The following LARGE1 variants were observed in gnomAD, a reference collection of about 807,000 sequenced individuals.
The protein encoded by LARGE1 is LARGE xylosyl- and glucuronyltransferase 1, also known as xylosyl- and glucuronyltransferase LARGE1.
A neutral mutation model predicts 87.6 loss-of-function variants in LARGE1; 43 were observed. The observed-to-expected ratio is 0.49, with a 90% CI of 0.38 to 0.63. The LOEUF (loss-of-function observed/expected upper bound fraction) is 0.63, where lower values mean the gene tolerates loss of function less well. Among genes scored for constraint, LARGE1 ranks in the 30% least tolerant of loss-of-function variants. The probability of loss-of-function intolerance (pLI) is 0.00; values close to 1 mark genes in which losing one functional copy is unlikely to be tolerated. For synonymous variants in LARGE1, 434 were observed against 394.6 expected (o/e 1.10, Z -1.18); for missense variants, 802 against 1,000.2 (o/e 0.80, Z 2.67).
chr22:33,439,844 A>G (rs1299847196), intron 6 of LARGE1, among the ~76,000 whole-genome samples: 1 of 152,208 alleles, frequency 6.6e-6, no homozygotes, highest in Admixed American at 6.5e-5. Flanking sequence ...GGTTGGTAGC[A>G]TGAAGATCAA....
chr22:33,726,966 A>G (rs965488140), intron 2 of LARGE1, among the ~76,000 whole-genome samples: 2 of 152,206 alleles, frequency 1.3e-5, no homozygotes, highest in African/African-American at 2.4e-5. Context: ...GGCAATATGG[A>G]TGAGAGAAAG....
At chr22:33,888,553 CT>C (rs1253897663) in intron 1 of LARGE1, among the ~76,000 whole-genome samples, 6 of 152,230 alleles carry the variant, frequency 3.9e-5, no homozygotes, top group African/African-American at 1.4e-4. Flanking sequence ...TACAAAGCAC[CT>C]TCGAATATAT....
chr22:33,310,395 G>T (rs779562102), intron 11 of LARGE1, among the ~76,000 whole-genome samples: 1 of 152,114 alleles, frequency 6.6e-6, no homozygotes, highest in Non-Finnish European at 1.5e-5. Context: ...AACCCCTCGT[G>T]ATCAGCTCCC....
chr22:33,529,540 A>G (rs1602272655), intron 6 of LARGE1, among the ~76,000 whole-genome samples: 1 of 152,368 alleles, frequency 6.6e-6, no homozygotes, highest in South Asian at 2.1e-4. Context: ...CTAAATGCCA[A>G]AAGGAAAGAT....
At chr22:33,741,466 A>G (rs1409741435) in intron 2 of LARGE1, among the ~76,000 whole-genome samples, 3 of 152,238 alleles carry the variant, frequency 2.0e-5, no homozygotes, top group Non-Finnish European at 4.4e-5. Context: ...GAAGCATCAA[A>G]TATTAGTCAC....
the LARGE1 span, among the ~76,000 whole-genome samples, chr22:33,090,358 C>T: frequency 6.6e-6 from 1 of 151,998 alleles, no homozygotes; most frequent in East Asian, 1.9e-4. Context: ...AAAAAATGAG[C>T]AGACTGAGGG....
At chr22:33,172,049 T>C (rs1922604053) in intron 11 of LARGE1, among the ~76,000 whole-genome samples, 1 of 152,248 alleles carries the variant, frequency 6.6e-6, no homozygotes. Context: ...TGCATCAGCC[T>C]GCCCTGGATG....
intron 9 of LARGE1, among the ~76,000 whole-genome samples, chr22:33,370,661 G>A (rs1420821648): frequency 6.6e-6 from 1 of 151,744 alleles, no homozygotes; most frequent in Non-Finnish European, 1.5e-5. Context: ...TTTAGGTGTG[G>A]TTACCAACAT....
intron 1 of LARGE1, among the ~76,000 whole-genome samples, chr22:33,849,880 C>T (rs909189607): frequency 1.5e-4 from 23 of 152,250 alleles, no homozygotes; most frequent in African/African-American, 4.6e-4. Flanking sequence ...GGATTACAGG[C>T]GTGAGCCACT....
intron 1 of LARGE1, among the ~76,000 whole-genome samples, chr22:33,839,693 T>G (rs1342656043): frequency 6.6e-6 from 1 of 152,184 alleles, no homozygotes; most frequent in African/African-American, 2.4e-5. Flanking sequence ...GACCAATTGA[T>G]TCTTTGCTAA....
chr22:33,132,392 A>G, the LARGE1 span, among the ~76,000 whole-genome samples: 3 of 151,422 alleles, frequency 2.0e-5, no homozygotes, highest in Non-Finnish European at 4.4e-5. Flanking sequence ...CCATGTTGCC[A>G]GGCTGGTCTG....
intron 6 of LARGE1, among the ~76,000 whole-genome samples, chr22:33,555,540 A>C (rs1354969274): frequency 6.6e-6 from 1 of 152,174 alleles, no homozygotes; most frequent in Non-Finnish European, 1.5e-5. Context: ...GGATTATGGT[A>C]GCAAGACAGG....
intron 2 of LARGE1, among the ~76,000 whole-genome samples, chr22:33,679,256 A>G (rs2081672591): frequency 6.6e-6 from 1 of 152,138 alleles, no homozygotes; most frequent in Non-Finnish European, 1.5e-5. Flanking sequence ...TTTGCTCCTT[A>G]CAGAGCGTTA....
chr22:33,600,746 G>A (rs1319451549), intron 5 of LARGE1, among the ~76,000 whole-genome samples: 4 of 152,114 alleles, frequency 2.6e-5, no homozygotes, highest in East Asian at 1.9e-4. Flanking sequence ...GATGTGACTC[G>A]GTTAAGAACT....
rs144347375 is a variant in LARGE1 at position 33,266,144 on chromosome 22, A to C, written c.1730+38085T>G. Reference sequence around the variant, plus strand: ...GATAAAAATCAGTAAGCAAGAACTCAATAGGGAAAAAAAAAAAAGAATGAA... The same window carrying C: ...GATAAAAATCAGTAAGCAAGAACTCCATAGGGAAAAAAAAAAAAGAATGAA... On this transcript the variant is annotated intron_variant, in intron 11 of 11. Coordinates refer to the LARGE1 transcript ENST00000608642. 8.7e-3 allele frequency among the ~76,000 whole-genome samples: 1,305 copies of C among 149,150 alleles called. 24 individuals are homozygous for C. Among genetic ancestry groups the C allele is most frequent in the African/African-American group, 0.032 (1,240 of 39,046 alleles).
intron 5 of LARGE1, among the ~76,000 whole-genome samples, chr22:33,588,394 C>G (rs577068274): frequency 6.6e-6 from 1 of 152,226 alleles, no homozygotes; most frequent in South Asian, 2.1e-4. Flanking sequence ...TAACTGAGCT[C>G]TAGAAGAAAG....
chr22:33,462,333 A>G (rs2068415421), intron 6 of LARGE1, among the ~76,000 whole-genome samples: 1 of 152,196 alleles, frequency 6.6e-6, no homozygotes, highest in Non-Finnish European at 1.5e-5. Flanking sequence ...TTTTCAGATA[A>G]TAAAAAACAG....
intron 6 of LARGE1, among the ~76,000 whole-genome samples, chr22:33,503,025 T>C (rs1245274129): frequency 6.6e-6 from 1 of 152,188 alleles, no homozygotes; most frequent in Non-Finnish European, 1.5e-5. Context: ...TGAGTTCAGG[T>C]TGAGGTTCGA....
chr22:33,194,976 T>C (rs1923989963), intron 11 of LARGE1, among the ~76,000 whole-genome samples: 1 of 152,190 alleles, frequency 6.6e-6, no homozygotes, highest in Non-Finnish European at 1.5e-5. Context: ...GTCAACACCC[T>C]AAAGTTGCCC....
Sources: gnomAD v4.1 joint callset for allele counts (sites outside exome capture counted in the v4.1 genomes callset) on GRCh38, gnomAD v4.1.1 for gene constraint, MANE v1.5 for transcripts, NCBI Gene and HGNC (gene_info 2026-07-23, HGNC 2026-07-21) for gene names.